SEMA6D: variants seen among roughly 807,000 people sequenced by gnomAD.
SEMA6D encodes semaphorin 6D, also known as semaphorin-6D.
Under a neutral mutation model 106.6 loss-of-function variants are expected in SEMA6D, and 35 were observed. The ratio of observed to expected loss-of-function variants is 0.33; its 90% confidence interval spans 0.25 to 0.44. SEMA6D has a LOEUF of 0.44. SEMA6D is among the 20% of genes least tolerant of loss of function. The pLI is 1.00. For synonymous variants in SEMA6D, 499 were observed against 487.7 expected, an observed-to-expected ratio of 1.02 and a Z score of -0.31; for missense variants, 1,185 against 1,345.9, an observed-to-expected ratio of 0.88 and a Z score of 1.87.
intron 1 of SEMA6D, among the ~76,000 whole-genome samples, chr15:47,753,082 A>G (rs562326013): frequency 6.6e-6 from 1 of 152,178 alleles, no homozygotes; most frequent in Admixed American, 6.5e-5. Flanking sequence ...GGAAGCTCCC[A>G]TGTTACAGCT....
intron 1 of SEMA6D, among the ~76,000 whole-genome samples, chr15:47,307,196 A>G (rs2036265007): frequency 1.3e-5 from 2 of 152,248 alleles, no homozygotes; most frequent in African/African-American, 2.4e-5. Flanking sequence ...CACATAGAGA[A>G]CAGTCAATAA....
intron 4 of SEMA6D, among the ~76,000 whole-genome samples, chr15:47,623,378 C>T (rs771803268): frequency 6.6e-6 from 1 of 152,164 alleles, no homozygotes; most frequent in East Asian, 1.9e-4. Flanking sequence ...TCATTTATTC[C>T]TCCCAATAAC....
intron 3 of SEMA6D, among the ~76,000 whole-genome samples, chr15:47,511,946 A>C (rs1017660133): frequency 3.3e-5 from 5 of 152,160 alleles, no homozygotes; most frequent in African/African-American, 1.2e-4. Flanking sequence ...CGGTGAGAAA[A>C]AGTTTTAGTC....
chr15:47,421,624 T>G (rs991074484), intron 2 of SEMA6D, among the ~76,000 whole-genome samples: 1 of 152,080 alleles, frequency 6.6e-6, no homozygotes, highest in Non-Finnish European at 1.5e-5. Flanking sequence ...ACTTTCCACT[T>G]GACTGATGAG....
chr15:47,627,528 A>G (rs1054063522), intron 4 of SEMA6D, among the ~76,000 whole-genome samples: 17 of 152,158 alleles, frequency 1.1e-4, no homozygotes, highest in African/African-American at 3.9e-4. Flanking sequence ...AGATATGGTG[A>G]GAATTTATGC....
At chr15:47,764,566 T>G in intron 11 of SEMA6D, 72 bp from the exon 12 acceptor site, 2 of 1,579,104 alleles carry the variant, frequency 1.3e-6, no homozygotes, top group Middle Eastern at 1.7e-4. Flanking sequence ...GAATATACAC[T>G]TATTCCTTAG....
chr15:47,645,537 C>CA (rs1410639061), intron 4 of SEMA6D, among the ~76,000 whole-genome samples: 3 of 151,664 alleles, frequency 2.0e-5, no homozygotes, highest in African/African-American at 7.3e-5. Context: ...TTCTCACTTA[C>CA]ACAACTCAAC....
chr15:47,436,197 C>T (rs1242138496), intron 2 of SEMA6D, among the ~76,000 whole-genome samples: 1 of 152,040 alleles, frequency 6.6e-6, no homozygotes, highest in African/African-American at 2.4e-5. Context: ...CCAGACCAGA[C>T]TGGCCAACGT....
intron 1 of SEMA6D, among the ~76,000 whole-genome samples, chr15:47,717,980 G>A (rs1328873645): frequency 6.6e-6 from 1 of 152,134 alleles, no homozygotes; most frequent in Non-Finnish European, 1.5e-5. Context: ...GTCAAAACTG[G>A]CAAAGCTGGC....
intron 4 of SEMA6D, among the ~76,000 whole-genome samples, chr15:47,606,035 T>C (rs1416637115): frequency 6.6e-6 from 1 of 152,178 alleles, no homozygotes; most frequent in South Asian, 2.1e-4. Context: ...CCTGCCTCCA[T>C]CCTGAAGCTA....
chr15:47,759,467 A>G (rs2081948547), intron 1 of SEMA6D, among the ~76,000 whole-genome samples: 1 of 152,160 alleles, frequency 6.6e-6, no homozygotes, highest in South Asian at 2.1e-4. Context: ...ATTTCTGCTC[A>G]TGGTTCTGGT....
intron 2 of SEMA6D, among the ~76,000 whole-genome samples, chr15:47,464,870 G>A (rs2042613439): frequency 1.2e-4 from 18 of 152,174 alleles, no homozygotes; most frequent in Admixed American, 1.2e-3. Context: ...AAAAGGCACT[G>A]TCATGGACCA....
chr15:47,317,194 G>A (rs1356652548), intron 1 of SEMA6D, among the ~76,000 whole-genome samples: 1 of 152,146 alleles, frequency 6.6e-6, no homozygotes, highest in Non-Finnish European at 1.5e-5. Flanking sequence ...TTGTGGGCAT[G>A]AAGTTGTTCA....
At chr15:47,581,205 A>G (rs926218553) in intron 3 of SEMA6D, 2 of 384,118 alleles carry the variant, frequency 5.2e-6, no homozygotes, top group Admixed American at 6.2e-5. Context: ...TATTGTTGCC[A>G]TCTTTTCCCG....
chr15:47,427,821 A>G (rs180829691), intron 2 of SEMA6D, among the ~76,000 whole-genome samples: 1 of 152,154 alleles, frequency 6.6e-6, no homozygotes. Context: ...CTGCCCCAGA[A>G]GTAGTGAAGA....
intron 4 of SEMA6D, among the ~76,000 whole-genome samples, chr15:47,630,746 A>G (rs990064725): frequency 1.3e-5 from 2 of 151,858 alleles, no homozygotes; most frequent in Non-Finnish European, 3.0e-5. Context: ...GTGGATGCGT[A>G]TTATTGAGCT....
intron 2 of SEMA6D, among the ~76,000 whole-genome samples, chr15:47,444,861 C>T (rs2041982587): frequency 6.6e-6 from 1 of 152,104 alleles, no homozygotes; most frequent in Non-Finnish European, 1.5e-5. Flanking sequence ...TAAAGTTAAC[C>T]AGCTCAGTGT....
chr15:47,609,318 A>C (rs1004053182), intron 4 of SEMA6D, among the ~76,000 whole-genome samples: 10 of 152,240 alleles, frequency 6.6e-5, no homozygotes, highest in African/African-American at 2.2e-4. Context: ...CTGCAGTGGA[A>C]AAACCATGTT....
chr15:47,396,287 C>G (rs1255116114), intron 1 of SEMA6D: 1 of 147,656 alleles, frequency 6.8e-6, no homozygotes, highest in Non-Finnish European at 1.5e-5. Flanking sequence ...TCTAAAGGGA[C>G]AGATTTAACA....
Sources: allele counts gnomAD v4.1 joint callset (sites outside exome capture counted in the v4.1 genomes callset), GRCh38; gene constraint gnomAD v4.1.1; transcripts MANE v1.5; gene names NCBI Gene and HGNC (gene_info 2026-07-23, HGNC 2026-07-21).